The following BAZ2A variants were observed in gnomAD, a reference collection of about 807,000 sequenced individuals.
BAZ2A encodes bromodomain adjacent to zinc finger domain protein 2A.
Under a neutral mutation model 199.9 loss-of-function variants are expected in BAZ2A, and 34 were observed. That is an observed-to-expected ratio of 0.17 (90% CI 0.13 to 0.23). The LOEUF is 0.23. BAZ2A is among the 10% of genes least tolerant of loss of function. BAZ2A has a pLI of 1.00. For synonymous variants in BAZ2A, 857 were observed against 883.9 expected (o/e 0.97, Z 0.54); for missense variants, 2,002 against 2,391.1 (o/e 0.84, Z 3.39).
At chr12:56,631,262 C>T (rs560382445), upstream of BAZ2A, among the ~76,000 whole-genome samples, 1 of 151,806 alleles carries the variant, frequency 6.6e-6, no homozygotes, top group African/African-American at 2.4e-5. Flanking sequence ...ACCAGCCTGA[C>T]CAACATGATG....
chr12:56,618,618 AAG>A (rs1369203112), intron 1 of BAZ2A, among the ~76,000 whole-genome samples: 3 of 152,200 alleles, frequency 2.0e-5, no homozygotes, highest in African/African-American at 4.8e-5. Flanking sequence ...CATTTTAAAA[AAG>A]AGAAGAATTC....
rs368933629 is a variant in BAZ2A, at chr12:56,605,912, C to A, written c.2411G>T (p.Arg804Leu). The A allele has an allele frequency of 6.3e-7, 1 of 1,581,816 alleles. No homozygotes were observed. Among genetic ancestry groups the A allele is most frequent in the Non-Finnish European group, 8.6e-7 (1 of 1,163,332 alleles). The change falls in exon 13 of 29, where the codon CGC (arginine) becomes CTC (leucine). Residue 804 changes from arginine to leucine, a missense_variant. Physicochemically the swap from Arg to Leu is moderately radical, Grantham distance 102 (BLOSUM62 -2). Around this residue, in one of 6 missense-constraint regions of BAZ2A, gnomAD observed 1,081 missense variants for 1,274.7 expected, o/e 0.85. Coordinates refer to ENST00000549884, the MANE Select transcript of BAZ2A (RefSeq NM_001300905.2). ...KADKTLATQR[R>L]LEERQRQQMI... ...CTGCTGCCTCTGCCGTTCCTCCAAG[C>A]GCCTCTGTGTGGCCAGGGTCTTATC...
chr12:56,635,710 G>C lies in BAZ2A; in HGVS notation c.4+472C>G, dbSNP rs1251822721. 6.6e-6 allele frequency among the ~76,000 whole-genome samples: 1 copy of C among 152,138 alleles called. No homozygotes were observed. The highest frequency in any genetic ancestry group is 1.5e-5 in the Non-Finnish European group (1 of 68,022). Reference sequence around the variant, plus strand: ...TGGGGCAACAGGAAGCAGCTGCTCAGTGCAGCCCCCACCTGAAGGTGGGTC... The same window carrying C: ...TGGGGCAACAGGAAGCAGCTGCTCACTGCAGCCCCCACCTGAAGGTGGGTC... On this transcript the variant is annotated intron_variant, in intron 1 of 29. Coordinates refer to the BAZ2A transcript ENST00000379441. This position sits in a 1 kb window ranked among gnomAD's most constrained non-coding sequence, Gnocchi z 4.1.
chr12:56,602,225 C>G, intron 19 of BAZ2A, 33 bp from the exon 20 acceptor site: 1 of 1,509,752 alleles, frequency 6.6e-7, no homozygotes, highest in Non-Finnish European at 9.0e-7. Context: ...AAGCCATATG[C>G]TGACATACAA....
rs373592264 is a variant in BAZ2A, at chr12:56,609,068, C to T, written c.2092+668G>A. The stretch of plus-strand genomic sequence containing the variant: ...TTTTGTTTTGTATTTTTAGTAGAGA[C>T]GGGGTTTTACCATGTTCGCCAGGAT... On this transcript the variant is annotated intron_variant, in intron 10 of 28. Coordinates refer to ENST00000549884, the MANE Select transcript of BAZ2A (RefSeq NM_001300905.2). Among the ~76,000 whole-genome samples the T allele has an allele frequency of 2.3e-3, 347 of 151,680 alleles. 1 individual carries two copies. Among genetic ancestry groups the T allele is most frequent in the African/African-American group, 8.0e-3 (330 of 41,302 alleles).
chr12:56,626,670 TCCC>T (rs1951104713), intron 1 of BAZ2A, among the ~76,000 whole-genome samples: 1 of 152,214 alleles, frequency 6.6e-6, no homozygotes, highest in South Asian at 2.1e-4. Flanking sequence ...TTCATTCAGC[TCCC>T]AATTCAATCA....
Position 56,598,631 on chromosome 12 carries a change from T to C in BAZ2A, c.5699A>G (p.Gln1900Arg). 1 of 1,613,692 alleles carries C rather than the reference T, an allele frequency of 6.2e-7. No homozygotes were observed. Among genetic ancestry groups the C allele is most frequent in the Non-Finnish European group, 8.5e-7 (1 of 1,179,826 alleles). Reference protein sequence around the residue: ...SRWEEFYQGKQANL With the variant: ...SRWEEFYQGKRANL ...ACCTCCCTTGCCTCACAGATTGGCCTGTTTTCCCTGATAAAACTCCTCCCA... is the reference window on the plus strand; with the variant it reads ...ACCTCCCTTGCCTCACAGATTGGCCCGTTTTCCCTGATAAAACTCCTCCCA... The change falls in exon 29 of 29, where the codon CAG becomes CGG. Residue 1900 changes from glutamine (Q) to arginine (R), a missense_variant. Transcript: ENST00000549884.
At chr12:56,613,868 T>C in intron 4 of BAZ2A, 85 bp downstream of exon 4, 1 of 1,422,280 alleles carries the variant, frequency 7.0e-7, no homozygotes, top group Non-Finnish European at 9.5e-7. Flanking sequence ...GATTGCCTAA[T>C]ACTTTTCCCA....
At chr12:56,608,975 G>C (rs950512944) in intron 10 of BAZ2A, among the ~76,000 whole-genome samples, 2 of 145,644 alleles carry the variant, frequency 1.4e-5, no homozygotes, top group Non-Finnish European at 1.5e-5. Context: ...CCAGGTTCAA[G>C]CTATTCTCCT....
chr12:56,626,744 C>T (rs1174315907), intron 1 of BAZ2A, among the ~76,000 whole-genome samples: 18 of 152,176 alleles, frequency 1.2e-4, no homozygotes, highest in Non-Finnish European at 1.8e-4. Flanking sequence ...TCCAAAGACT[C>T]AAGAGTAGTT....
upstream of BAZ2A, among the ~76,000 whole-genome samples, chr12:56,631,547 A>G (rs1951311620): frequency 6.6e-6 from 1 of 152,140 alleles, no homozygotes; most frequent in Non-Finnish European, 1.5e-5. Context: ...CTTCAATGTC[A>G]AACAGTGGAT....
chr12:56,633,668 A>G (rs2137485187), upstream of BAZ2A, among the ~76,000 whole-genome samples: 1 of 151,364 alleles, frequency 6.6e-6, no homozygotes, highest in East Asian at 2.0e-4. Flanking sequence ...ACAATCTGGG[A>G]AGGCTAGATT....
chr12:56,615,313 C>T lies in BAZ2A; in HGVS notation c.431G>A (p.Ser144Asn), dbSNP rs769548003. ...PSHNTNLRAG[S>N]QEFWANGTQS... ...GGTACCGTTGGCCCAGAACTCTTGG[C>T]TCCCAGCCCGAAGGTTAGTGTTATG... The change falls in exon 3 of 29, where the codon AGC becomes AAC. Residue 144 changes from serine (S) to asparagine (N), a missense_variant. Physicochemically the swap from Ser to Asn is conservative, Grantham distance 46 (BLOSUM62 1). Transcript: ENST00000549884. The T allele has an allele frequency of 1.2e-6, 2 of 1,613,924 alleles. No individual in the cohort carries two copies. The highest frequency in any genetic ancestry group is 8.5e-7 in the Non-Finnish European group (1 of 1,179,868).
intron 10 of BAZ2A, among the ~76,000 whole-genome samples, chr12:56,608,986 G>A (rs369288968): frequency 2.1e-5 from 3 of 145,866 alleles, no homozygotes; most frequent in East Asian, 2.0e-4. Context: ...CTATTCTCCT[G>A]CCTCAGCCTC....
chr12:56,600,407 G>A lies in BAZ2A; in HGVS notation c.4686C>T (p.Thr1562=), dbSNP rs763889191. The A allele has an allele frequency of 8.1e-6, 13 of 1,613,912 alleles. No individual in the cohort carries two copies. In the African/African-American group the frequency reaches 1.3e-4, roughly 17 times the overall value. The stretch of plus-strand genomic sequence containing the variant: ...GTCCCTCCCTGCCCCGACCTCGCCA[G>A]GTGATATCCTCCTGGGAGTCGGAGA... ...EHLSDSQEDI[T]WRGRGREGLA... The change falls in exon 24 of 29, where the codon ACC becomes ACT. Residue 1562 remains threonine, a synonymous_variant. Coordinates refer to ENST00000549884, the MANE Select transcript of BAZ2A (RefSeq NM_001300905.2).
rs1227989204 is a variant in BAZ2A, at chr12:56,606,311, G to A, written c.2195C>T (p.Ala732Val). 6.2e-7 allele frequency: 1 copy of A among 1,613,830 alleles called. No homozygotes were observed. The change falls in exon 12 of 29, where the codon GCC (alanine) becomes GTC (valine). Residue 732 changes from alanine to valine, a missense_variant and splice_region_variant. By Grantham distance (64) the Ala-to-Val change is moderately conservative. This residue lies in a region of BAZ2A where 1,081 missense variants were observed against 1,274.7 expected (regional missense o/e 0.85). Transcript: ENST00000549884. ...GGTCTCTTGTTTCCGCTTATTTCTG[G>A]CCTGTAAACCATAAGGGAAGTCATT... ...GECQTTIQGQ[A>V]RNKRKQETKS... is the part of the protein sequence containing the mutation.
At chr12:56,629,826 A>C (rs1351813540) in intron 1 of BAZ2A, 1 of 142,062 alleles carries the variant, frequency 7.0e-6, no homozygotes, top group South Asian at 2.2e-4. Context: ...CACAGGAGTC[A>C]TCTCCACCAG....
rs374938637 is a variant in BAZ2A at position 56,612,164 on chromosome 12, C to T, written c.1218G>A (p.Leu406=). The T allele has an allele frequency of 3.9e-5, 63 of 1,613,542 alleles. No individual in the cohort carries two copies. In the Middle Eastern group the frequency reaches 4.9e-4, roughly 13 times the overall value. Reference sequence around the variant, plus strand: ...ATGACTGATCAGGAGCTGGCTGGGTCAGGGATGGTGGGAAGTCTGAAGATT... The same window carrying T: ...ATGACTGATCAGGAGCTGGCTGGGTTAGGGATGGTGGGAAGTCTGAAGATT... ...ETQSSDFPPS[L]TQPAPDQSST... is the part of the protein sequence containing the mutation. Residue 406 remains leucine (L), a synonymous_variant, in exon 6 of 29, where the codon CTG becomes CTA. Coordinates refer to ENST00000549884, the MANE Select transcript of BAZ2A (RefSeq NM_001300905.2).
intron 1 of BAZ2A, among the ~76,000 whole-genome samples, chr12:56,622,495 T>A (rs1950952885): frequency 6.6e-6 from 1 of 152,204 alleles, no homozygotes; most frequent in Non-Finnish European, 1.5e-5. Context: ...AGTATGGGAA[T>A]ACGAAAAACA....
Sources: allele counts gnomAD v4.1 joint callset (sites outside exome capture counted in the v4.1 genomes callset), GRCh38; gene constraint gnomAD v4.1.1; regional missense constraint gnomAD v4.1.1; non-coding constraint Gnocchi (gnomAD v3.1); transcripts MANE v1.5; gene names NCBI Gene and HGNC (gene_info 2026-07-23, HGNC 2026-07-21).